The following GARNL3 variants were observed in gnomAD, a reference collection of about 807,000 sequenced individuals.
The protein encoded by GARNL3 is GTPase-activating Rap/Ran-GAP domain-like protein 3.
In GARNL3, 63 loss-of-function variants were observed where a neutral mutation model predicts 125.0. The observed-to-expected ratio is 0.50, with a 90% CI of 0.41 to 0.62. The LOEUF is 0.62. GARNL3 is among the 20% of genes least tolerant of loss of function. The pLI, the probability that GARNL3 is intolerant of heterozygous loss-of-function variation, is 0.00. For missense variants in GARNL3, 994 were observed against 1,244.0 expected, an observed-to-expected ratio of 0.80 and a Z score of 3.02; for synonymous variants, 439 against 457.5, an observed-to-expected ratio of 0.96 and a Z score of 0.52.
At chr9:127,354,088 T>A in intron 18 of GARNL3, 144 bp downstream of exon 18, 1 of 689,836 alleles carries the variant, frequency 1.4e-6, no homozygotes, top group East Asian at 2.6e-5. Flanking sequence ...GATCCCTCAG[T>A]GGCCCCTTTG....
chr9:127,305,987 C>T (rs2064943238), intron 2 of GARNL3, among the ~76,000 whole-genome samples: 1 of 152,160 alleles, frequency 6.6e-6, no homozygotes, highest in South Asian at 2.1e-4. Flanking sequence ...ATCTCTCCCT[C>T]TGCGATGCTG....
At chr9:127,300,535 A>C (rs1588797794) in intron 2 of GARNL3, 2 of 335,844 alleles carry the variant, frequency 6.0e-6, no homozygotes, top group Non-Finnish European at 5.7e-6. Context: ...GCTCACTGCA[A>C]CCTCCACCTC....
At chr9:127,322,612 G>A (rs558565908) in intron 6 of GARNL3, among the ~76,000 whole-genome samples, 2 of 152,216 alleles carry the variant, frequency 1.3e-5, no homozygotes, top group African/African-American at 4.8e-5. Context: ...TGTGTATGAG[G>A]CTCAGAGATG....
intron 1 of GARNL3, among the ~76,000 whole-genome samples, chr9:127,281,633 C>T (rs186114922): frequency 4.0e-4 from 61 of 152,338 alleles, no homozygotes; most frequent in African/African-American, 1.4e-3. Context: ...CTGGTCCTCA[C>T]ACTGGCTCCT....
intron 7 of GARNL3, among the ~76,000 whole-genome samples, chr9:127,329,860 A>G (rs558009684): frequency 1.3e-5 from 2 of 152,214 alleles, no homozygotes; most frequent in Admixed American, 6.5e-5. Context: ...TCAGTGGACT[A>G]TAGGGTCCTT....
At position 127,255,175 on chromosome 9, in the gene GARNL3, C is replaced by G. The variant is rs117242900; in HGVS notation, c.144-9777C>G. Reference sequence around the variant, plus strand: ...TATGGAATCTAGGGATATGATTGCACTGGTATTCAAGGTGGCATGTAAAAG... The same window carrying G: ...TATGGAATCTAGGGATATGATTGCAGTGGTATTCAAGGTGGCATGTAAAAG... On this transcript the variant is annotated intron_variant, in intron 2 of 10. Coordinates refer to the GARNL3 transcript ENST00000439286. Among the ~76,000 whole-genome samples, 583 of 152,298 alleles carry G rather than the reference C, an allele frequency of 3.8e-3. 2 individuals carry two copies. The highest frequency in any genetic ancestry group is 6.4e-3 in the Non-Finnish European group (438 of 68,034).
Position 127,316,952 on chromosome 9 carries a change from CCCT to C in GARNL3, c.439-1106_439-1104del, listed in dbSNP as rs142059773. 5.4e-3 allele frequency among the ~76,000 whole-genome samples: 816 copies of C among 152,310 alleles called. 21 individuals are homozygous for C. The East Asian group carries it at 0.081, about 15-fold the overall frequency. On this transcript the variant is annotated intron_variant, in intron 4 of 27. Transcript: ENST00000373387. ...CCATTCCCTAAAAGAAATGTTCTTACCCTCCTCTAGCCGTTTGTGATGACAATT... is the reference window on the plus strand; with the variant it reads ...CCATTCCCTAAAAGAAATGTTCTTACCCTCTAGCCGTTTGTGATGACAATT...
chr9:127,278,784 G>A (rs1309577759), intron 1 of GARNL3, among the ~76,000 whole-genome samples: 1 of 152,120 alleles, frequency 6.6e-6, no homozygotes, highest in Non-Finnish European at 1.5e-5. Context: ...GAGGGCCGTG[G>A]GGAAGAATCC....
At chr9:127,370,596 T>C (rs1024134684) in intron 22 of GARNL3, among the ~76,000 whole-genome samples, 6 of 152,176 alleles carry the variant, frequency 3.9e-5, no homozygotes, top group African/African-American at 1.4e-4. Flanking sequence ...GAGAGCCATA[T>C]CAGAGGCAGA....
chr9:127,290,053 C>T (rs2131366993), intron 1 of GARNL3, among the ~76,000 whole-genome samples: 1 of 152,214 alleles, frequency 6.6e-6, no homozygotes, highest in Non-Finnish European at 1.5e-5. Flanking sequence ...GTGACTGTAG[C>T]CCGTTATTTT....
At chr9:127,347,802 ATGT>A (rs923625564) in intron 16 of GARNL3, among the ~76,000 whole-genome samples, 1 of 152,216 alleles carries the variant, frequency 6.6e-6, no homozygotes, top group African/African-American at 2.4e-5. Flanking sequence ...CATTTACAAA[ATGT>A]TGTCACATTC....
At chr9:127,267,923 G>C (rs190257093) in intron 1 of GARNL3, among the ~76,000 whole-genome samples, 22 of 152,318 alleles carry the variant, frequency 1.4e-4, no homozygotes, top group Admixed American at 2.6e-4. Flanking sequence ...CACAAGTCTT[G>C]TGAAGAATGA....
intron 1 of GARNL3, among the ~76,000 whole-genome samples, chr9:127,276,742 G>GT (rs1159017788): frequency 6.6e-6 from 1 of 152,178 alleles, no homozygotes; most frequent in Non-Finnish European, 1.5e-5. Flanking sequence ...ACATAGCCAT[G>GT]TCCCAGTCTC....
rs140178336 is a variant in GARNL3, at chr9:127,293,286, C to T, written c.219+2044C>T. On this transcript the variant is annotated intron_variant, in intron 2 of 27. Transcript: ENST00000373387. ...CTCAAACCTCTGAACAAACAAATTG[C>T]AAATTTTGTTTTTGGGTTATTTGTG... Among the ~76,000 whole-genome samples the T allele has an allele frequency of 3.4e-3, 524 of 152,258 alleles. 3 individuals are homozygous for T. The highest frequency in any genetic ancestry group is 0.012 in the African/African-American group (489 of 41,548).
intron 2 of GARNL3, among the ~76,000 whole-genome samples, chr9:127,298,566 G>A (rs2064680899): frequency 6.6e-6 from 1 of 152,010 alleles, no homozygotes; most frequent in Non-Finnish European, 1.5e-5. Context: ...TTATTTCCCA[G>A]TTGTTCATTT....
chr9:127,277,689 C>G (rs1051019319), intron 1 of GARNL3, among the ~76,000 whole-genome samples: 1 of 152,026 alleles, frequency 6.6e-6, no homozygotes, highest in African/African-American at 2.4e-5. Flanking sequence ...ATCCAGCAAA[C>G]GGACCTTTAC....
At chr9:127,391,136 G>A (rs972911259) in intron 27 of GARNL3, among the ~76,000 whole-genome samples, 1 of 151,660 alleles carries the variant, frequency 6.6e-6, no homozygotes, top group African/African-American at 2.4e-5. Flanking sequence ...AATACAAAAA[G>A]TAGCCGGGCG....
chr9:127,293,312 C>T (rs1464313032), intron 2 of GARNL3, among the ~76,000 whole-genome samples: 2 of 152,132 alleles, frequency 1.3e-5, no homozygotes, highest in African/African-American at 4.8e-5. Context: ...GTTATTTGTG[C>T]TTTTATTATT....
Position 127,291,180 on chromosome 9 carries a change from G to C in GARNL3, c.157G>C (p.Asp53His). The C allele has an allele frequency of 1.9e-6, 3 of 1,614,126 alleles. No individual in the cohort carries two copies. In the South Asian group the frequency reaches 3.3e-5, roughly 18 times the overall value. The change falls in exon 2 of 28, where the codon GAT (aspartate) becomes CAT (histidine). Residue 53 changes from aspartate (D) to histidine (H), a missense_variant. Physicochemically the swap from Asp to His is moderately conservative, Grantham distance 81 (BLOSUM62 -1). Coordinates refer to ENST00000373387, the MANE Select transcript of GARNL3 (RefSeq NM_032293.5). ...TTTTCCCCCCTAGCTTATTTCCAGTGATGCTGATGGAGCCATCCAAAGGGC... is the reference window on the plus strand; with the variant it reads ...TTTTCCCCCCTAGCTTATTTCCAGTCATGCTGATGGAGCCATCCAAAGGGC... ...YGSVELLISSDADGAIQRAGR... is the reference protein window; with the variant it reads ...YGSVELLISSHADGAIQRAGR...
Sources: gnomAD v4.1 joint callset for allele counts (sites outside exome capture counted in the v4.1 genomes callset) on GRCh38, gnomAD v4.1.1 for gene constraint, MANE v1.5 for transcripts, NCBI Gene and HGNC (gene_info 2026-07-23, HGNC 2026-07-21) for gene names.